The following INPP4A variants were observed in gnomAD, a reference collection of about 807,000 sequenced individuals.
The protein encoded by INPP4A is inositol polyphosphate-4-phosphatase, type I, 107kD.
A neutral mutation model predicts 119.8 loss-of-function variants in INPP4A; 33 were observed. That is an observed-to-expected ratio of 0.28 (90% CI 0.21 to 0.37). The LOEUF (loss-of-function observed/expected upper bound fraction) is 0.37. Among genes scored for constraint, INPP4A ranks in the 10% least tolerant of loss-of-function variants. INPP4A has a pLI of 1.00. For missense variants in INPP4A, 956 were observed against 1,289.9 expected (o/e 0.74, Z 3.97); for synonymous variants, 496 against 500.7 (o/e 0.99, Z 0.12).
chr2:98,552,897 G>A lies in INPP4A; in HGVS notation c.1275G>A (p.Glu425=), dbSNP rs769193068. 1 of 1,613,808 alleles carries A rather than the reference G, an allele frequency of 6.2e-7. No homozygotes were observed. Reference sequence around the variant, plus strand: ...AAACCCAAGTGAGTTACTACGCAGAGCGGCTGTCAAGGGCAGCCAAGGACA... The same window carrying A: ...AAACCCAAGTGAGTTACTACGCAGAACGGCTGTCAAGGGCAGCCAAGGACA... ...TLKTQVSYYA[E]RLSRAAKDRS... Residue 425 remains glutamate, a synonymous_variant, in exon 14 of 25, where the codon GAG becomes GAA. Coordinates refer to ENST00000409851, the MANE Select transcript of INPP4A (RefSeq NM_001134225.2).
intron 1 of INPP4A, among the ~76,000 whole-genome samples, chr2:98,499,106 T>C (rs565668039): frequency 6.6e-6 from 1 of 152,344 alleles, no homozygotes; most frequent in African/African-American, 2.4e-5. Context: ...AGCACAAGCA[T>C]GAATGATGAT....
chr2:98,577,256 C>CAAGTGTGAAGGCTGGAGT, intron 24 of INPP4A, 113 bp downstream of exon 24: 1 of 1,100,504 alleles, frequency 9.1e-7, no homozygotes, highest in Non-Finnish European at 1.3e-6. Flanking sequence ...CCCCTTGACT[C>CAAGTGTGAAGGCTGGAGT]CAGCCTTCAC....
rs761651538 is a variant in INPP4A, at chr2:98,577,072, G to A, written c.2715G>A (p.Gln905=). Residue 905 remains glutamine (Q), a synonymous_variant, in exon 24 of 25, where the codon CAG becomes CAA. Coordinates refer to ENST00000409851, the MANE Select transcript of INPP4A (RefSeq NM_001134225.2). ...CAGCCATGTCGGTGACACTGGAGCA[G>A]TGCCTGATCCTGCAACACGAGCATG... is the stretch of plus-strand genomic sequence containing the variant. The part of the protein sequence containing the change: ...DRTAMSVTLE[Q]CLILQHEHGM... The A allele has an allele frequency of 9.3e-6, 15 of 1,614,006 alleles. No homozygotes were observed. Among genetic ancestry groups the A allele is most frequent in the Admixed American group, 1.7e-5 (1 of 60,032 alleles).
Position 98,554,253 on chromosome 2 carries a change from G to A in INPP4A, c.1348-18G>A, listed in dbSNP as rs1398871629. ...CCCTGGCCTGGGCTCAGCAGCCTTG[G>A]TTTGTGTGCACCTGCAGACACGGCA... On this transcript the variant is annotated intron_variant, in intron 14 of 24. Coordinates refer to ENST00000409851, the MANE Select transcript of INPP4A (RefSeq NM_001134225.2). This position sits in a 1 kb window ranked among gnomAD's most constrained non-coding sequence, Gnocchi z 4.7. 3.8e-6 allele frequency: 6 copies of A among 1,580,912 alleles called. No individual in the cohort carries two copies. Among genetic ancestry groups the A allele is most frequent in the Non-Finnish European group, 5.2e-6 (6 of 1,163,222 alleles).
Position 98,568,680 on chromosome 2 carries a change from T to G in INPP4A, c.2518+12T>G. The G allele has an allele frequency of 7.0e-7, 1 of 1,423,766 alleles. No individual in the cohort carries two copies. 88.2% of individuals were successfully genotyped at this position (1,423,766 alleles called of 1,614,324 possible). ...TTTGCCTGAGGATTGTAAGTATTTC[T>G]TCAGTCATGGTAGGTTTCACTTACT... is the stretch of plus-strand genomic sequence containing the variant. On this transcript the variant is annotated intron_variant, in intron 22 of 24. Coordinates refer to ENST00000409851, the MANE Select transcript of INPP4A (RefSeq NM_001134225.2).
chr2:98,458,230 G>C (rs1696498784), intron 1 of INPP4A, among the ~76,000 whole-genome samples: 1 of 152,126 alleles, frequency 6.6e-6, no homozygotes, highest in African/African-American at 2.4e-5. Context: ...TGTAGTCCCA[G>C]CTGCTCAGGA....
At chr2:98,497,051 T>G (rs1682125704) in intron 1 of INPP4A, among the ~76,000 whole-genome samples, 1 of 152,246 alleles carries the variant, frequency 6.6e-6, no homozygotes, top group African/African-American at 2.4e-5. Flanking sequence ...GTTAGGTTTC[T>G]CTGCTTCACT....
At chr2:98,539,745 G>A (rs1691037285) in intron 10 of INPP4A, 70 bp downstream of exon 10, 2 of 1,475,864 alleles carry the variant, frequency 1.4e-6, no homozygotes, top group Admixed American at 2.2e-5. Flanking sequence ...CTGAGATATA[G>A]CGGGCAGAGC....
rs767550387 is a variant in INPP4A at position 98,511,481 on chromosome 2, CA to C, written c.-165-7482del. ...CACAGTGACCCTCTCCTGCCCTGTG[CA>C]GGTATAGAGAGCTGGGAGGTGGGAG... is the stretch of plus-strand genomic sequence containing the variant. On this transcript the variant is annotated intron_variant, in intron 1 of 24. Transcript: ENST00000409851. Among the ~76,000 whole-genome samples the C allele has an allele frequency of 4.6e-5, 7 of 152,276 alleles. No individual in the cohort carries two copies. In the South Asian group the frequency reaches 6.2e-4, roughly 14 times the overall value.
intron 13 of INPP4A, among the ~76,000 whole-genome samples, chr2:98,550,380 C>T (rs1001855979): frequency 3.9e-5 from 6 of 152,200 alleles, no homozygotes; most frequent in Non-Finnish European, 8.8e-5. Flanking sequence ...GGGGCTCAGC[C>T]TCTGCAGAGG....
In INPP4A at chr2:98,555,609, C is replaced by G. The variant is rs773105537; in HGVS notation, c.1623C>G (p.Asp541Glu). ...TAGAGTGCATCATTCAGCGTGTGGACAAGCTGCTGCAGAAGGAGCGGCTGC... is the reference window on the plus strand; with the variant it reads ...TAGAGTGCATCATTCAGCGTGTGGAGAAGCTGCTGCAGAAGGAGCGGCTGC... ...KSLECIIQRV[D>E]KLLQKERLHG... The change falls in exon 16 of 25, where the codon GAC (aspartate) becomes GAG (glutamate). Residue 541 changes from aspartate (D) to glutamate (E), a missense_variant. By Grantham distance (45) the Asp-to-Glu change is conservative. Coordinates refer to ENST00000409851, the MANE Select transcript of INPP4A (RefSeq NM_001134225.2). The G allele has an allele frequency of 2.3e-5, 37 of 1,613,744 alleles. No homozygotes were observed. The highest frequency in any genetic ancestry group is 2.9e-5 in the Non-Finnish European group (34 of 1,179,820).
chr2:98,500,332 A>G (rs554687050), intron 1 of INPP4A, among the ~76,000 whole-genome samples: 1 of 152,002 alleles, frequency 6.6e-6, no homozygotes, highest in Non-Finnish European at 1.5e-5. Context: ...CCACTGTTTG[A>G]GGGGGGAAAA....
At chr2:98,557,019 CTT>C (rs1311384642) in intron 16 of INPP4A, among the ~76,000 whole-genome samples, 4 of 151,900 alleles carry the variant, frequency 2.6e-5, no homozygotes, top group African/African-American at 9.7e-5. Context: ...ACTTTATTAT[CTT>C]GTTTGTGATT....
chr2:98,483,652 A>G (rs1002857429), intron 1 of INPP4A, among the ~76,000 whole-genome samples: 6 of 152,144 alleles, frequency 3.9e-5, no homozygotes, highest in African/African-American at 9.7e-5. Flanking sequence ...CCATGCCTCA[A>G]AACACCTCAT....
At chr2:98,464,556 T>C (rs747024136) in intron 1 of INPP4A, among the ~76,000 whole-genome samples, 2 of 152,336 alleles carry the variant, frequency 1.3e-5, no homozygotes, top group Admixed American at 6.5e-5. Context: ...CCTCTTCTTC[T>C]GCCATGTCTG....
At chr2:98,462,408 A>G (rs1673756779) in intron 1 of INPP4A, among the ~76,000 whole-genome samples, 1 of 152,226 alleles carries the variant, frequency 6.6e-6, no homozygotes, top group African/African-American at 2.4e-5. Context: ...AGATCGTGCC[A>G]CTGCACTTTA....
chr2:98,455,433 G>A lies in INPP4A; in HGVS notation c.-166+10348G>A, dbSNP rs116486024. On this transcript the variant is annotated intron_variant, in intron 1 of 24. Coordinates refer to ENST00000409851, the MANE Select transcript of INPP4A (RefSeq NM_001134225.2). ...GGAGTGAGTAAATGGATTGGCCTTA[G>A]GGACGACACCTTGCTGGTAGACTGT... is the stretch of plus-strand genomic sequence containing the variant. 5.2e-3 allele frequency among the ~76,000 whole-genome samples: 795 copies of A among 152,256 alleles called. 12 individuals are homozygous for A. The highest frequency in any genetic ancestry group is 0.018 in the African/African-American group (739 of 41,558).
intron 1 of INPP4A, among the ~76,000 whole-genome samples, chr2:98,512,446 G>A (rs1286678453): frequency 6.6e-6 from 1 of 152,210 alleles, no homozygotes; most frequent in South Asian, 2.1e-4. Flanking sequence ...ACCACAGCCT[G>A]GGTAGTTTGT....
At position 98,520,083 on chromosome 2, in the gene INPP4A, C is replaced by T. The variant is rs1226743551; in HGVS notation, c.35C>T (p.Ala12Val). ...TAREHSPRHG[A>V]RARAMQRAST... ...AGAGAGCACAGCCCTCGCCATGGTGCCAGGGCCCGTGCAATGCAGCGGGCT... is the reference window on the plus strand; with the variant it reads ...AGAGAGCACAGCCCTCGCCATGGTGTCAGGGCCCGTGCAATGCAGCGGGCT... Residue 12 changes from alanine (A) to valine (V), a missense_variant, in exon 3 of 25, where the codon GCC becomes GTC. By Grantham distance (64) the Ala-to-Val change is moderately conservative (BLOSUM62 0). Coordinates refer to ENST00000409851, the MANE Select transcript of INPP4A (RefSeq NM_001134225.2). 2 of 1,583,042 alleles carry T rather than the reference C, an allele frequency of 1.3e-6. No individual in the cohort carries two copies. The highest frequency in any genetic ancestry group is 2.7e-5 in the African/African-American group (2 of 74,316).
Sources: gnomAD v4.1 joint callset for allele counts (sites outside exome capture counted in the v4.1 genomes callset) on GRCh38, gnomAD v4.1.1 for gene constraint, Gnocchi (gnomAD v3.1) non-coding constraint, MANE v1.5 for transcripts, NCBI Gene and HGNC (gene_info 2026-07-23, HGNC 2026-07-21) for gene names.